PDXK: variants seen among roughly 807,000 people sequenced by gnomAD.
PDXK encodes epididymis secretory sperm binding protein Li 1a.
In PDXK, 15 loss-of-function variants were observed where a neutral mutation model predicts 43.2. The observed-to-expected ratio is 0.35, with a 90% CI of 0.23 to 0.53. The LOEUF (loss-of-function observed/expected upper bound fraction) is 0.53, where lower values mean the gene tolerates loss of function less well. Ranked by LOEUF, PDXK falls within the 20% of genes least tolerant of loss-of-function variation. The pLI is 0.92. For missense variants in PDXK, 343 were observed against 417.0 expected (o/e 0.82, Z 1.54); for synonymous variants, 172 against 165.4 (o/e 1.04, Z -0.31).
chr21:43,737,189 C>A lies in PDXK; in HGVS notation c.142+3066C>A. On this transcript the variant is annotated intron_variant, in intron 2 of 10. Coordinates refer to ENST00000291565, the MANE Select transcript of PDXK (RefSeq NM_003681.5). The surrounding 1 kb of genome is among the most constrained non-coding windows in gnomAD (Gnocchi z 4.8). The stretch of plus-strand genomic sequence containing the variant: ...GACTCCCGGCAGGGACACGGGTGTT[C>A]CACACAAGCTGCGTTGTTGGTTCCC... 2 of 1,446,128 alleles carry A rather than the reference C, an allele frequency of 1.4e-6. No individual in the cohort carries two copies. Among genetic ancestry groups the A allele is most frequent in the Non-Finnish European group, 9.1e-7 (1 of 1,101,382 alleles). The allele number at this position is 1,446,128 out of a possible 1,614,324, so 89.6% of individuals were successfully genotyped here. A position where few individuals can be genotyped will look rare whatever the true frequency, so the allele number is the denominator to read the frequency against.
intron 8 of PDXK, 110 bp downstream of exon 8, chr21:43,752,739 C>G: frequency 1.5e-6 from 1 of 678,940 alleles, no homozygotes; most frequent in South Asian, 1.7e-5. Context: ...TAAGCCTTAT[C>G]CAGCACCGGG....
chr21:43,719,770 C>T, intron 1 of PDXK: 1 of 985,468 alleles, frequency 1.0e-6, no homozygotes. Context: ...AGTCCCGGAG[C>T]AGTCACGCGA....
At position 43,737,006 on chromosome 21, in the gene PDXK, C is replaced by T; in HGVS notation, c.142+2883C>T. The stretch of plus-strand genomic sequence containing the variant: ...CTGGCGTGAAGTGGCGCAACCAGCT[C>T]ACTGCAGCCTTGACCTCCTGGGCTG... On this transcript the variant is annotated intron_variant, in intron 2 of 10. Transcript: ENST00000291565. This position sits in a 1 kb window ranked among gnomAD's most constrained non-coding sequence, Gnocchi z 4.8. 1 of 705,182 alleles carries T rather than the reference C, an allele frequency of 1.4e-6. No individual in the cohort carries two copies. The highest frequency in any genetic ancestry group is 1.5e-5 in the South Asian group (1 of 67,640). The allele number at this position is 705,182 out of a possible 1,614,324, so 43.7% of individuals were successfully genotyped here.
intron 1 of PDXK, among the ~76,000 whole-genome samples, chr21:43,722,247 C>T (rs1458720166): frequency 6.6e-6 from 1 of 152,170 alleles, no homozygotes; most frequent in Non-Finnish European, 1.5e-5. Context: ...TGTAGGAAAC[C>T]TCAGGTTCTT....
At chr21:43,736,413 A>G (rs2083402905) in intron 2 of PDXK, among the ~76,000 whole-genome samples, 1 of 152,072 alleles carries the variant, frequency 6.6e-6, no homozygotes, top group African/African-American at 2.4e-5. Flanking sequence ...CGGCCACGTG[A>G]GCCCAGCCAC....
At position 43,758,031 on chromosome 21, in the gene PDXK, G is replaced by C. The variant is rs899192131; in HGVS notation, c.*1968G>C. On this transcript the variant is annotated 3_prime_UTR_variant, in exon 11 of 11. Coordinates refer to ENST00000291565, the MANE Select transcript of PDXK (RefSeq NM_003681.5). ...CACCAAGAGCACGTATAGCATGGGG[G>C]AAAGAACCTAAATGTCTCTCTGTCC... 11 of 153,260 alleles carry C rather than the reference G, an allele frequency of 7.2e-5. No individual in the cohort carries two copies. Among genetic ancestry groups the C allele is most frequent in the Non-Finnish European group, 1.5e-4 (10 of 67,952 alleles). The allele number at this position is 153,260 out of a possible 1,614,324, so 9.5% of individuals were successfully genotyped here. A position where few individuals can be genotyped will look rare whatever the true frequency, so the allele number is the denominator to read the frequency against.
At chr21:43,719,665 C>T in intron 1 of PDXK, 1 of 985,432 alleles carries the variant, frequency 1.0e-6, no homozygotes, top group African/African-American at 1.7e-5. Context: ...CGCAGCCGCT[C>T]GTCCTCGCCC....
At chr21:43,719,635 G>A in intron 1 of PDXK, 4 of 985,440 alleles carry the variant, frequency 4.1e-6, no homozygotes, top group Non-Finnish European at 4.8e-6. Context: ...GTAGGAGGGA[G>A]CCCTGTGCAC....
chr21:43,737,684 G>A lies in PDXK; in HGVS notation c.142+3561G>A, dbSNP rs1022998776. 28 of 729,360 alleles carry A rather than the reference G, an allele frequency of 3.8e-5. No individual in the cohort carries two copies. The highest frequency in any genetic ancestry group is 3.3e-4 in the Admixed American group (4 of 12,296). 45.2% of individuals were successfully genotyped at this position (729,360 alleles called of 1,614,324 possible). A position where few individuals can be genotyped will look rare whatever the true frequency, so the allele number is the denominator to read the frequency against. Reference sequence around the variant, plus strand: ...AGAAGGCCAGGGCCAGGAGCCTGCCGACGGACACCAGCGAGGGGCCAGGCC... The same window carrying A: ...AGAAGGCCAGGGCCAGGAGCCTGCCAACGGACACCAGCGAGGGGCCAGGCC... On this transcript the variant is annotated intron_variant, in intron 2 of 10. Transcript: ENST00000291565. This position sits in a 1 kb window ranked among gnomAD's most constrained non-coding sequence, Gnocchi z 4.8.
chr21:43,740,192 G>A (rs867307234), intron 2 of PDXK, among the ~76,000 whole-genome samples: 6 of 152,046 alleles, frequency 3.9e-5, no homozygotes, highest in Non-Finnish European at 7.4e-5. Context: ...GGACCTTTGC[G>A]CCACACGTCC....
chr21:43,724,731 C>G (rs1354904696), intron 1 of PDXK, among the ~76,000 whole-genome samples: 1 of 151,450 alleles, frequency 6.6e-6, no homozygotes, highest in Non-Finnish European at 1.5e-5. Flanking sequence ...GTCCCACCTA[C>G]TTGGGAAGGT....
chr21:43,730,690 A>G (rs1294313204), intron 1 of PDXK, among the ~76,000 whole-genome samples: 1 of 152,202 alleles, frequency 6.6e-6, no homozygotes, highest in Non-Finnish European at 1.5e-5. Context: ...GCAGTGGCTC[A>G]TACCTGTAGT....
rs188209905 is a variant in PDXK at position 43,740,143 on chromosome 21, C to T, written c.143-1524C>T. On this transcript the variant is annotated intron_variant, in intron 2 of 10. Transcript: ENST00000291565. ...GCCCCCAGGTGCACCCCCCAGATGCCGCACTGTGCCTGGAGCGTGGCTCCT... is the reference window on the plus strand; with the variant it reads ...GCCCCCAGGTGCACCCCCCAGATGCTGCACTGTGCCTGGAGCGTGGCTCCT... 8.8e-4 allele frequency among the ~76,000 whole-genome samples: 134 copies of T among 152,178 alleles called. 2 individuals carry two copies. Among genetic ancestry groups the T allele is most frequent in the Admixed American group, 2.5e-3 (38 of 15,290 alleles).
rs1465854622 is a variant in PDXK at position 43,734,706 on chromosome 21, C to T, written c.142+583C>T. Among the ~76,000 whole-genome samples the T allele has an allele frequency of 1.3e-5, 2 of 152,200 alleles. No homozygotes were observed. Among genetic ancestry groups the T allele is most frequent in the Non-Finnish European group, 2.9e-5 (2 of 67,988 alleles). On this transcript the variant is annotated intron_variant, in intron 2 of 10. Coordinates refer to ENST00000291565, the MANE Select transcript of PDXK (RefSeq NM_003681.5). This position sits in a 1 kb window ranked among gnomAD's most constrained non-coding sequence, Gnocchi z 5.0. The stretch of plus-strand genomic sequence containing the variant: ...GCTGGCTCAGGGGACTGAGGGTGGC[C>T]GGCCTCAGAAGCCCCTCACAGGCCA...
chr21:43,747,095 A>C (rs1206085270), intron 5 of PDXK: 2 of 152,410 alleles, frequency 1.3e-5, no homozygotes, highest in African/African-American at 4.8e-5. Flanking sequence ...CTGAGATCGC[A>C]CCGCTACACT....
At position 43,743,714 on chromosome 21, in the gene PDXK, C is replaced by T. The variant is rs933780664; in HGVS notation, c.248-10C>T. The T allele has an allele frequency of 5.0e-6, 8 of 1,599,516 alleles. No individual in the cohort carries two copies. The African/African-American group carries it at 8.0e-5, about 16-fold the overall frequency. On this transcript the variant is annotated splice_polypyrimidine_tract_variant and intron_variant, in intron 3 of 10. Transcript: ENST00000291565. ...GTTTTCTGAGGGTGACCTGGATTCT[C>T]CCCCTAAAGGTTATACGAGGGACAA... is the stretch of plus-strand genomic sequence containing the variant.
At position 43,737,089 on chromosome 21, in the gene PDXK, C is replaced by A; in HGVS notation, c.142+2966C>A. ...CTGGGACTATAGTTGTGCACCAGCA[C>A]GCCCACCTCCTGCCCAGGGTTGTTA... On this transcript the variant is annotated intron_variant, in intron 2 of 10. Transcript: ENST00000291565. This position sits in a 1 kb window ranked among gnomAD's most constrained non-coding sequence, Gnocchi z 4.8. The A allele has an allele frequency of 1.2e-6, 1 of 854,242 alleles. No individual in the cohort carries two copies. The highest frequency in any genetic ancestry group is 1.9e-6 in the Non-Finnish European group (1 of 524,352). The allele number at this position is 854,242 out of a possible 1,614,324, so 52.9% of individuals were successfully genotyped here.
intron 3 of PDXK, among the ~76,000 whole-genome samples, chr21:43,742,395 T>C (rs2083552203): frequency 6.6e-6 from 1 of 152,164 alleles, no homozygotes; most frequent in South Asian, 2.1e-4. Flanking sequence ...TTGCCCAGGC[T>C]GGTCTTGAAC....
chr21:43,752,843 C>T (rs1029244372), intron 8 of PDXK, among the ~76,000 whole-genome samples: 10 of 152,318 alleles, frequency 6.6e-5, no homozygotes, highest in East Asian at 1.9e-4. Flanking sequence ...CTGGCTTCCA[C>T]GGACCCAGCA....
Sources: gnomAD v4.1 joint callset for allele counts (sites outside exome capture counted in the v4.1 genomes callset) on GRCh38, gnomAD v4.1.1 for gene constraint, Gnocchi (gnomAD v3.1) non-coding constraint, MANE v1.5 for transcripts, NCBI Gene and HGNC (gene_info 2026-07-23, HGNC 2026-07-21) for gene names.